NUP62: variants seen among roughly 807,000 people sequenced by gnomAD.
The protein encoded by NUP62 is nucleoporin 62.
For missense variants in NUP62, 647 were observed against 689.4 expected, an observed-to-expected ratio of 0.94 and a Z score of 0.69; for synonymous variants, 305 against 303.4, an observed-to-expected ratio of 1.01 and a Z score of -0.05.
chr19:49,928,845 T>A (rs543324007), intron 1 of NUP62: 1 of 152,034 alleles, frequency 6.6e-6, no homozygotes, highest in East Asian at 1.9e-4. Flanking sequence ...CTGGTGCAGG[T>A]CTGCGGGAAG....
Position 49,908,968 on chromosome 19 carries a change from G to T in NUP62, c.840C>A (p.Thr280=). 1.2e-6 allele frequency: 2 copies of T among 1,608,754 alleles called. No homozygotes were observed. The highest frequency in any genetic ancestry group is 1.7e-6 in the Non-Finnish European group (2 of 1,176,930). Residue 280 remains threonine, a synonymous_variant, in exon 3 of 3, where the codon ACC becomes ACA. Coordinates refer to ENST00000352066, the MANE Select transcript of NUP62 (RefSeq NM_016553.5). ...TTSTAATATA[T]TTSSSSTTGF... ...CGGTGGTGCTGCTGCTGCTGGTGGTGGTGGCGGTGGCGGTGGCAGCGGTGG... is the reference window on the plus strand; with the variant it reads ...CGGTGGTGCTGCTGCTGCTGGTGGTTGTGGCGGTGGCGGTGGCAGCGGTGG...
Position 49,908,687 on chromosome 19 carries a change from C to A in NUP62, c.1121G>T (p.Ser374Ile). ...CACCTTCTCCACCTCGCGGTGCAGG[C>A]TGGTGATCTTTTCTCCATTCTCGAT... Reference protein sequence around the residue: ...TLIENGEKITSLHREVEKVKL... With the variant: ...TLIENGEKITILHREVEKVKL... The change falls in exon 3 of 3, where the codon AGC (serine) becomes ATC (isoleucine). Residue 374 changes from serine (S) to isoleucine (I), a missense_variant. Coordinates refer to ENST00000352066, the MANE Select transcript of NUP62 (RefSeq NM_016553.5). 1 of 1,612,232 alleles carries A rather than the reference C, an allele frequency of 6.2e-7. No individual in the cohort carries two copies. Among genetic ancestry groups the A allele is most frequent in the Non-Finnish European group, 8.5e-7 (1 of 1,180,040 alleles).
At position 49,908,848 on chromosome 19, in the gene NUP62, T is replaced by C; in HGVS notation, c.960A>G (p.Ala320=). The C allele has an allele frequency of 1.2e-6, 2 of 1,612,388 alleles. No homozygotes were observed. The highest frequency in any genetic ancestry group is 1.7e-6 in the Non-Finnish European group (2 of 1,179,980). The change falls in exon 3 of 3, where the codon GCA becomes GCG. Residue 320 remains alanine (A), a synonymous_variant. Coordinates refer to ENST00000352066, the MANE Select transcript of NUP62 (RefSeq NM_016553.5). ...VTAPPGPGAA[A]GAAASSAMTY... The stretch of plus-strand genomic sequence containing the variant: ...TCATGGCGGAGCTGGCAGCCGCCCC[T>C]GCAGCTGCGCCAGGGCCAGGTGGAG...
At chr19:49,922,434 C>A (rs558103966) in intron 2 of NUP62, among the ~76,000 whole-genome samples, 103 of 152,228 alleles carry the variant, frequency 6.8e-4, no homozygotes, top group Admixed American at 6.1e-3. Context: ...ACTGTCCTCC[C>A]CTCCTTCACA....
In NUP62 at chr19:49,909,042, A is replaced by C. The variant is rs1399426661; in HGVS notation, c.766T>G (p.Phe256Val). 6.2e-7 allele frequency: 1 copy of C among 1,613,048 alleles called. No homozygotes were observed. Among genetic ancestry groups the C allele is most frequent in the Non-Finnish European group, 8.5e-7 (1 of 1,180,018 alleles). Residue 256 changes from phenylalanine (F) to valine (V), a missense_variant, in exon 3 of 3, where the codon TTC becomes GTC. Coordinates refer to ENST00000352066, the MANE Select transcript of NUP62 (RefSeq NM_016553.5). ...GCTGCTCCAGGTGCCTTTAAGCTGA[A>C]GCCCTGTGTCCCAGCAGTGGGGGCG... ...AGAPTAGTQG[F>V]SLKAPGAASG...
rs747104113 is a variant in NUP62, at chr19:49,908,308, C to T, written c.1500G>A (p.Glu500=). ...GGCCCTCGCACACCTTGGTCACCTC[C>T]TCCACCTTCCTCTGCAGCAGGGCCG... ...QNSALLQRKV[E]EVTKVCEGRR... is the part of the protein sequence containing the mutation. The change falls in exon 3 of 3, where the codon GAG becomes GAA. Residue 500 remains glutamate, a synonymous_variant. Coordinates refer to ENST00000352066, the MANE Select transcript of NUP62 (RefSeq NM_016553.5). 6.2e-7 allele frequency: 1 copy of T among 1,614,112 alleles called. No homozygotes were observed. The highest frequency in any genetic ancestry group is 8.5e-7 in the Non-Finnish European group (1 of 1,180,030).
At chr19:49,926,908 T>C (rs2075907418) in intron 2 of NUP62, among the ~76,000 whole-genome samples, 1 of 150,214 alleles carries the variant, frequency 6.7e-6, no homozygotes, top group African/African-American at 2.5e-5. Context: ...CAGGCTGCAG[T>C]GTGGTGGCAC....
At position 49,909,601 on chromosome 19, in the gene NUP62, T is replaced by C. The variant is rs761944762; in HGVS notation, c.207A>G (p.Thr69=). The change falls in exon 3 of 3, where the codon ACA becomes ACG. Residue 69 remains threonine, a synonymous_variant. Transcript: ENST00000352066. ...TTCCAAAAGTGAAGCCTGTCGTCTGTGTGGCCGGAGTCTGGGTGGCAAGTG... is the reference window on the plus strand; with the variant it reads ...TTCCAAAAGTGAAGCCTGTCGTCTGCGTGGCCGGAGTCTGGGTGGCAAGTG... ...LFSLATQTPA[T]QTTGFTFGTA... 5 of 1,613,878 alleles carry C rather than the reference T, an allele frequency of 3.1e-6. No homozygotes were observed. The highest frequency in any genetic ancestry group is 2.2e-5 in the South Asian group (2 of 91,072).
chr19:49,923,572 G>C (rs537275222), intron 2 of NUP62, among the ~76,000 whole-genome samples: 1 of 152,174 alleles, frequency 6.6e-6, no homozygotes, highest in East Asian at 1.9e-4. Context: ...TCTGGCAGCC[G>C]CCGGCTTCAC....
At chr19:49,912,727 G>A (rs143625574) in intron 2 of NUP62, among the ~76,000 whole-genome samples, 8 of 152,210 alleles carry the variant, frequency 5.3e-5, no homozygotes, top group African/African-American at 1.9e-4. Context: ...TGAGTTGGCC[G>A]TGGTGGCAGG....
chr19:49,929,173 A>G (rs999348086), intron 1 of NUP62, 153 bp downstream of exon 1: 1 of 144,114 alleles, frequency 6.9e-6, no homozygotes, highest in African/African-American at 2.5e-5. Context: ...GCCACCCAGT[A>G]TATATCTGTC....
rs143078249 is a variant in NUP62 at position 49,908,548 on chromosome 19, G to T, written c.1260C>A (p.Thr420=). 12 of 1,614,052 alleles carry T rather than the reference G, an allele frequency of 7.4e-6. No homozygotes were observed. In the African/African-American group the frequency reaches 1.5e-4, roughly 20 times the overall value. ...CCTCATCCGCGTGCTGCAGGTAGAT[G>T]GTCCCGCTCTGCTCCTTGACCAACT... ...LEELVKEQSG[T]IYLQHADEER... is the part of the protein sequence containing the mutation. Residue 420 remains threonine, a synonymous_variant, in exon 3 of 3, where the codon ACC becomes ACA. Coordinates refer to ENST00000352066, the MANE Select transcript of NUP62 (RefSeq NM_016553.5).
chr19:49,924,492 G>C (rs1354121615), intron 2 of NUP62, among the ~76,000 whole-genome samples: 1 of 152,062 alleles, frequency 6.6e-6, no homozygotes, highest in Non-Finnish European at 1.5e-5. Flanking sequence ...GATGCAACCT[G>C]CCTGCAACCA....
chr19:49,914,735 T>TTTTG (rs2075579163), intron 2 of NUP62, among the ~76,000 whole-genome samples: 6 of 111,696 alleles, frequency 5.4e-5, no homozygotes, highest in Admixed American at 4.4e-4. Flanking sequence ...AGTTTTTTTT[T>TTTTG]TTTTTTTTTT....
intron 2 of NUP62, among the ~76,000 whole-genome samples, chr19:49,919,336 C>A (rs907730388): frequency 6.6e-6 from 1 of 152,180 alleles, no homozygotes; most frequent in Non-Finnish European, 1.5e-5. Flanking sequence ...TAAACAAAAG[C>A]GTGGTTGGCA....
chr19:49,911,429 A>AGAAACACCCAC (rs1192464365), intron 2 of NUP62: 1 of 152,212 alleles, frequency 6.6e-6, no homozygotes, highest in African/African-American at 2.4e-5. Flanking sequence ...CCTGACCCAG[A>AGAAACACCCAC]GAAACACCCA....
At chr19:49,915,397 G>A (rs917705373) in intron 2 of NUP62, among the ~76,000 whole-genome samples, 3 of 152,192 alleles carry the variant, frequency 2.0e-5, no homozygotes, top group Non-Finnish European at 4.4e-5. Flanking sequence ...TTGAAGATGA[G>A]GGGGCCACAA....
Position 49,909,793 on chromosome 19 carries a change from A to T in NUP62, c.15T>A (p.Asn5Lys), listed in dbSNP as rs773312974. 2.5e-6 allele frequency: 4 copies of T among 1,614,088 alleles called. No individual in the cohort carries two copies. The highest frequency in any genetic ancestry group is 3.4e-6 in the Non-Finnish European group (4 of 1,180,022). The change falls in exon 3 of 3, where the codon AAT becomes AAA. Residue 5 changes from asparagine (N) to lysine (K), a missense_variant. Physicochemically the swap from Asn to Lys is moderately conservative, Grantham distance 94. Coordinates refer to ENST00000352066, the MANE Select transcript of NUP62 (RefSeq NM_016553.5). ...CTGTAGGGGCCCCAGTGCCTCCAAA[A>T]TTAAACCCGCTCATGGCTCCGGACT... Reference protein sequence around the residue: MSGFNFGGTGAPTGG... With the variant: MSGFKFGGTGAPTGG...
chr19:49,907,875 T>A lies in NUP62; in HGVS notation c.*364A>T. The A allele has an allele frequency of 2.7e-6, 1 of 375,016 alleles. No individual in the cohort carries two copies. The highest frequency in any genetic ancestry group is 5.0e-6 in the Non-Finnish European group (1 of 201,108). The allele number at this position is 375,016 out of a possible 1,614,324, so 23.2% of individuals were successfully genotyped here. On this transcript the variant is annotated 3_prime_UTR_variant, in exon 3 of 3. Coordinates refer to ENST00000352066, the MANE Select transcript of NUP62 (RefSeq NM_016553.5). ...ACATTTGGTATTTTTTCATGACACC[T>A]ATGACTATGCTTTGGAGAGAGTGGC...
Sources: allele counts gnomAD v4.1 joint callset (sites outside exome capture counted in the v4.1 genomes callset), GRCh38; gene constraint gnomAD v4.1.1; transcripts MANE v1.5; gene names NCBI Gene and HGNC (gene_info 2026-07-23, HGNC 2026-07-21).